KIF1B: variants seen among roughly 807,000 people sequenced by gnomAD.
The protein encoded by KIF1B is kinesin-like protein KIF1B.
KIF1B carries 76 observed loss-of-function variants against 241.9 expected under a neutral mutation model. The observed-to-expected ratio is 0.31, with a 90% confidence interval of 0.26 to 0.38. KIF1B has a LOEUF of 0.38. Ranked by LOEUF, KIF1B falls within the 10% of genes least tolerant of loss-of-function variation. The pLI, the probability that KIF1B is intolerant of heterozygous loss-of-function variation, is 1.00. For synonymous variants in KIF1B, 750 were observed against 796.7 expected, an observed-to-expected ratio of 0.94 and a Z score of 0.99; for missense variants, 1,622 against 2,271.4, an observed-to-expected ratio of 0.71 and a Z score of 5.81.
At chr1:10,253,993 C>T (rs1312515305) in intron 2 of KIF1B, among the ~76,000 whole-genome samples, 1 of 152,182 alleles carries the variant, frequency 6.6e-6, no homozygotes, top group Non-Finnish European at 1.5e-5. Flanking sequence ...ATTTTTTAAT[C>T]CTGATCTCAC....
intron 1 of KIF1B, among the ~76,000 whole-genome samples, chr1:10,224,083 G>A (rs1007262194): frequency 4.6e-5 from 7 of 152,048 alleles, no homozygotes; most frequent in African/African-American, 1.7e-4. Flanking sequence ...AATTACAGCA[G>A]GTGTGAGTCA....
At chr1:10,245,022 A>G (rs940046266) in intron 2 of KIF1B, among the ~76,000 whole-genome samples, 3 of 152,230 alleles carry the variant, frequency 2.0e-5, no homozygotes, top group Non-Finnish European at 2.9e-5. Context: ...TAAAGTTAAT[A>G]TAAAGTTACA....
intron 22 of KIF1B, chr1:10,306,608 C>G (rs930730473): frequency 2.0e-6 from 1 of 495,260 alleles, no homozygotes; most frequent in African/African-American, 2.0e-5. Context: ...GTCCCTGAAG[C>G]AGGAAACCAC....
intron 12 of KIF1B, among the ~76,000 whole-genome samples, chr1:10,277,498 C>G (rs1649180596): frequency 6.6e-6 from 1 of 152,072 alleles, no homozygotes; most frequent in Non-Finnish European, 1.5e-5. Context: ...CTAGGCCTGG[C>G]TAATTTTTAA....
chr1:10,368,367 G>A, intron 43 of KIF1B, 100 bp from the exon 44 acceptor site: 1 of 912,158 alleles, frequency 1.1e-6, no homozygotes, highest in Non-Finnish European at 1.8e-6. Context: ...GCCCTCCCCG[G>A]GAACTCAGCC....
Position 10,369,129 on chromosome 1 carries a change from A to G in KIF1B, c.4824+591A>G, listed in dbSNP as rs564764305. Among the ~76,000 whole-genome samples the G allele has an allele frequency of 2.0e-5, 3 of 152,288 alleles. No individual in the cohort carries two copies. In the South Asian group the frequency reaches 6.2e-4, roughly 32 times the overall value. Reference sequence around the variant, plus strand: ...TGAGTCGACTCTGTTAACACCTGATAATAAATCTGACAGCTGTCTGAAACT... The same window carrying G: ...TGAGTCGACTCTGTTAACACCTGATGATAAATCTGACAGCTGTCTGAAACT... On this transcript the variant is annotated intron_variant, in intron 44 of 48. Coordinates refer to ENST00000676179, the MANE Select transcript of KIF1B (RefSeq NM_001365951.3).
At chr1:10,369,502 G>C (rs1195898032) in intron 44 of KIF1B, among the ~76,000 whole-genome samples, 2 of 152,210 alleles carry the variant, frequency 1.3e-5, no homozygotes, top group African/African-American at 4.8e-5. Flanking sequence ...CAAATGTGGT[G>C]GTACACACCT....
chr1:10,279,935 T>C (rs969963979), intron 14 of KIF1B, among the ~76,000 whole-genome samples: 6 of 152,104 alleles, frequency 3.9e-5, no homozygotes, highest in Non-Finnish European at 1.5e-5. Flanking sequence ...ACCCCTGACC[T>C]CAAGCAGTCC....
chr1:10,230,677 C>G (rs913656348), intron 1 of KIF1B: 4 of 152,120 alleles, frequency 2.6e-5, no homozygotes, highest in African/African-American at 7.2e-5. Flanking sequence ...CTCAAGTGAT[C>G]CACCCATCTC....
At chr1:10,224,337 C>G (rs546663064) in intron 1 of KIF1B, among the ~76,000 whole-genome samples, 7 of 151,544 alleles carry the variant, frequency 4.6e-5, no homozygotes, top group Admixed American at 4.6e-4. Flanking sequence ...AGGATGGTCT[C>G]GATTTCCTGA....
intron 32 of KIF1B, among the ~76,000 whole-genome samples, chr1:10,340,655 C>T (rs1403879521): frequency 6.6e-6 from 1 of 152,040 alleles, no homozygotes; most frequent in African/African-American, 2.4e-5. Context: ...ACCAGCCTGG[C>T]CAACATGGTG....
In KIF1B at chr1:10,272,227, G is replaced by T; in HGVS notation, c.799-14G>T. Reference sequence around the variant, plus strand: ...AATTCTTCATCATTCTTTCATATTTGGTATTTATTTTAGGAAGGAGCAAAT... The same window carrying T: ...AATTCTTCATCATTCTTTCATATTTTGTATTTATTTTAGGAAGGAGCAAAT... On this transcript the variant is annotated splice_polypyrimidine_tract_variant and intron_variant, in intron 8 of 48. Transcript: ENST00000676179. The T allele has an allele frequency of 1.4e-6, 2 of 1,425,632 alleles. No individual in the cohort carries two copies. The highest frequency in any genetic ancestry group is 1.1e-5 in the South Asian group (1 of 87,092). 88.3% of individuals were successfully genotyped at this position (1,425,632 alleles called of 1,614,324 possible). A position where few individuals can be genotyped will look rare whatever the true frequency, so the allele number is the denominator to read the frequency against.
In KIF1B at chr1:10,334,411, A is replaced by G. The variant is rs931246234; in HGVS notation, c.2925-109A>G. On this transcript the variant is annotated intron_variant, in intron 27 of 48. Transcript: ENST00000676179. ...TAGGACTGAGAAGGGGTCTTAAGAC[A>G]AGGCCAGAAGTCAGCTCACAGTTGC... The G allele has an allele frequency of 4.5e-6, 4 of 889,236 alleles. No homozygotes were observed. In the African/African-American group the frequency reaches 6.6e-5, roughly 15 times the overall value. The allele number at this position is 889,236 out of a possible 1,614,324, so 55.1% of individuals were successfully genotyped here. A position where few individuals can be genotyped will look rare whatever the true frequency, so the allele number is the denominator to read the frequency against.
At chr1:10,297,707 T>A (rs1006448466) in intron 22 of KIF1B, among the ~76,000 whole-genome samples, 1 of 152,188 alleles carries the variant, frequency 6.6e-6, no homozygotes, top group Non-Finnish European at 1.5e-5. Flanking sequence ...AGACTTTTTT[T>A]TTTTAAGTTA....
At position 10,334,607 on chromosome 1, in the gene KIF1B, A is replaced by G. The variant is rs1466577966; in HGVS notation, c.3012A>G (p.Gly1004=). The change falls in exon 28 of 49, where the codon GGA becomes GGG. Residue 1004 remains glycine, a synonymous_variant. Transcript: ENST00000676179. ...AIVSEKGEVR[G]FLRVAVQAIA... ...TCAGTGAGAAAGGTGAAGTGCGGGG[A>G]TTTCTGCGTGTGGCTGTACAGGCCA... 3.7e-6 allele frequency: 6 copies of G among 1,613,870 alleles called. No individual in the cohort carries two copies. In the South Asian group the frequency reaches 6.6e-5, roughly 18 times the overall value.
At chr1:10,295,011 C>G (rs1650191981) in intron 17 of KIF1B, 75 bp from the exon 18 acceptor site, 1 of 958,038 alleles carries the variant, frequency 1.0e-6, no homozygotes, top group African/African-American at 1.6e-5. Flanking sequence ...AGCCTGGCCT[C>G]TTGTAGGCCC....
chr1:10,283,233 ATAAAGT>A (rs142527279), intron 15 of KIF1B, among the ~76,000 whole-genome samples: 6,812 of 136,572 alleles, frequency 0.05, 324 homozygotes, highest in African/African-American at 0.084. Context: ...AAAAAAAAAG[ATAAAGT>A]TAGAACATTT....
Position 10,363,288 on chromosome 1 carries a change from G to A in KIF1B, c.4310G>A (p.Arg1437Gln). 3 of 1,612,216 alleles carry A rather than the reference G, an allele frequency of 1.9e-6. No individual in the cohort carries two copies. Among genetic ancestry groups the A allele is most frequent in the Non-Finnish European group, 2.5e-6 (3 of 1,178,344 alleles). Residue 1437 changes from arginine (R) to glutamine (Q), a missense_variant, in exon 41 of 49, where the codon CGA becomes CAA. By Grantham distance (43) the Arg-to-Gln change is conservative. Coordinates refer to ENST00000676179, the MANE Select transcript of KIF1B (RefSeq NM_001365951.3). ...GTTTTATTTTCTTCAAATAGGAATC[G>A]AGTCACTGGCATTTACGAACTCAGC... Reference protein sequence around the residue: ...SGYSKSPDSNRVTGIYELSLC... With the variant: ...SGYSKSPDSNQVTGIYELSLC...
At chr1:10,361,108 A>G (rs1413385645) in intron 39 of KIF1B, 65 bp downstream of exon 39, 2 of 1,048,204 alleles carry the variant, frequency 1.9e-6, no homozygotes, top group African/African-American at 3.1e-5. Context: ...AGGTTACAGC[A>G]GGAAGTGGTC....
Sources: gnomAD v4.1 joint callset for allele counts (sites outside exome capture counted in the v4.1 genomes callset) on GRCh38, gnomAD v4.1.1 for gene constraint, MANE v1.5 for transcripts, NCBI Gene and HGNC (gene_info 2026-07-23, HGNC 2026-07-21) for gene names.